TMCC1: variants seen among roughly 807,000 people sequenced by gnomAD.
The protein encoded by TMCC1 is transmembrane and coiled-coil domain family 1.
In TMCC1, 15 loss-of-function variants were observed where a neutral mutation model predicts 52.4. That is an observed-to-expected ratio of 0.29 (90% confidence interval 0.19 to 0.44). The LOEUF is 0.44. Among genes scored for constraint, TMCC1 ranks in the 20% least tolerant of loss-of-function variants. The pLI, the probability that TMCC1 is intolerant of heterozygous loss-of-function variation, is 1.00. For missense variants in TMCC1, 503 were observed against 806.0 expected (o/e 0.62, Z 4.55); for synonymous variants, 279 against 301.9 (o/e 0.92, Z 0.79).
chr3:129,817,717 T>A (rs1198637186), intron 4 of TMCC1, among the ~76,000 whole-genome samples: 2 of 152,022 alleles, frequency 1.3e-5, no homozygotes, highest in Non-Finnish European at 1.5e-5. Flanking sequence ...GTGAGATCTC[T>A]GCTCACTGCA....
At chr3:129,836,673 T>C (rs2059174256) in intron 2 of TMCC1, among the ~76,000 whole-genome samples, 2 of 152,138 alleles carry the variant, frequency 1.3e-5, no homozygotes, top group Admixed American at 1.3e-4. Context: ...AAGGAAACAG[T>C]CCCAAGAGCA....
At chr3:129,809,841 C>T (rs1483515120) in intron 4 of TMCC1, among the ~76,000 whole-genome samples, 1 of 152,156 alleles carries the variant, frequency 6.6e-6, no homozygotes, top group Non-Finnish European at 1.5e-5. Context: ...GTAAATCCCA[C>T]TAAAACAGTA....
At position 129,882,265 on chromosome 3, in the gene TMCC1, A is replaced by G. The variant is rs571107834; in HGVS notation, c.-434-1706T>C. Among the ~76,000 whole-genome samples, 5 of 152,282 alleles carry G rather than the reference A, an allele frequency of 3.3e-5. No individual in the cohort carries two copies. In the South Asian group the frequency reaches 6.2e-4, roughly 19 times the overall value. The stretch of plus-strand genomic sequence containing the variant: ...TGATAAACACATAAAAAGATGCTCA[A>G]TATCACAAATAATTAGGGAAATGCA... On this transcript the variant is annotated intron_variant, in intron 1 of 6. Transcript: ENST00000393238.
At chr3:129,656,379 C>G (rs2086670164) in intron 5 of TMCC1, among the ~76,000 whole-genome samples, 1 of 152,182 alleles carries the variant, frequency 6.6e-6, no homozygotes, top group Non-Finnish European at 1.5e-5. Flanking sequence ...ACATTAACAC[C>G]AGCATGTGAG....
At chr3:129,660,360 C>T (rs1168367584) in intron 5 of TMCC1, among the ~76,000 whole-genome samples, 2 of 152,090 alleles carry the variant, frequency 1.3e-5, no homozygotes, top group African/African-American at 4.8e-5. Flanking sequence ...GCCATGTTAC[C>T]CAGGCTGGTC....
At chr3:129,814,644 G>A (rs534917291) in intron 4 of TMCC1, among the ~76,000 whole-genome samples, 30 of 152,176 alleles carry the variant, frequency 2.0e-4, no homozygotes, top group Admixed American at 1.9e-3. Context: ...ACTATATGCT[G>A]CCTACAAGGA....
At chr3:129,879,261 C>A (rs1228497913) in intron 2 of TMCC1, among the ~76,000 whole-genome samples, 2 of 152,074 alleles carry the variant, frequency 1.3e-5, no homozygotes, top group African/African-American at 2.4e-5. Context: ...GGCAACATAG[C>A]GAGACCCTCA....
chr3:129,721,293 G>A (rs2049560906), intron 4 of TMCC1, among the ~76,000 whole-genome samples: 1 of 151,966 alleles, frequency 6.6e-6, no homozygotes, highest in African/African-American at 2.4e-5. Flanking sequence ...ATTAAAAATG[G>A]CAGTCTACCC....
At chr3:129,751,597 C>T (rs2052533176) in intron 4 of TMCC1, among the ~76,000 whole-genome samples, 1 of 150,902 alleles carries the variant, frequency 6.6e-6, no homozygotes, top group African/African-American at 2.4e-5. Context: ...GAGTCTTGCT[C>T]TGTCACCCAG....
intron 2 of TMCC1, among the ~76,000 whole-genome samples, chr3:129,836,477 T>A (rs926448954): frequency 6.6e-5 from 10 of 152,192 alleles, no homozygotes; most frequent in East Asian, 5.8e-4. Flanking sequence ...TCACAAATTT[T>A]AAAAAAACTG....
chr3:129,873,572 C>G (rs977304145), intron 2 of TMCC1, among the ~76,000 whole-genome samples: 1 of 151,978 alleles, frequency 6.6e-6, no homozygotes, highest in African/African-American at 2.4e-5. Context: ...CCCAGCTAGT[C>G]GGGAGGATAA....
intron 4 of TMCC1, among the ~76,000 whole-genome samples, chr3:129,726,835 C>T (rs540462286): frequency 9.6e-4 from 96 of 100,268 alleles, no homozygotes; most frequent in Non-Finnish European, 1.6e-3. Context: ...TGCCACTGCA[C>T]TTCAGCCTGG....
At chr3:129,880,801 TA>T (rs1223188308) in intron 1 of TMCC1, among the ~76,000 whole-genome samples, 2 of 150,616 alleles carry the variant, frequency 1.3e-5, no homozygotes, top group East Asian at 3.9e-4. Flanking sequence ...TTCCAAAATC[TA>T]AAAAAAATCT....
At chr3:129,735,022 C>G (rs1264658805) in intron 4 of TMCC1, among the ~76,000 whole-genome samples, 3 of 151,870 alleles carry the variant, frequency 2.0e-5, no homozygotes, top group African/African-American at 7.3e-5. Flanking sequence ...CTGCCTCAGC[C>G]TCCCAAGCAG....
At chr3:129,701,026 T>C (rs1244896559) in intron 4 of TMCC1, among the ~76,000 whole-genome samples, 1 of 152,200 alleles carries the variant, frequency 6.6e-6, no homozygotes, top group Non-Finnish European at 1.5e-5. Context: ...AATGCTCTCC[T>C]TACTTCTCTT....
intron 4 of TMCC1, among the ~76,000 whole-genome samples, chr3:129,815,927 A>G (rs2058073808): frequency 6.6e-6 from 1 of 152,206 alleles, no homozygotes; most frequent in Non-Finnish European, 1.5e-5. Flanking sequence ...AATGGGCAAA[A>G]GATCTGAATA....
At chr3:129,691,431 G>A (rs940365422) in intron 4 of TMCC1, among the ~76,000 whole-genome samples, 5 of 151,714 alleles carry the variant, frequency 3.3e-5, no homozygotes, top group African/African-American at 9.7e-5. Flanking sequence ...CTTTTGACCC[G>A]TGGCTAAAAA....
chr3:129,850,292 T>TC (rs1039382672), intron 2 of TMCC1, among the ~76,000 whole-genome samples: 26 of 152,236 alleles, frequency 1.7e-4, no homozygotes, highest in African/African-American at 6.3e-4. Context: ...TTAGTTTTTT[T>TC]CTCTATGCTT....
intron 2 of TMCC1, among the ~76,000 whole-genome samples, chr3:129,867,772 A>T (rs2060721952): frequency 6.6e-6 from 1 of 152,198 alleles, no homozygotes; most frequent in Admixed American, 6.5e-5. Flanking sequence ...AGTAGAAATA[A>T]GTTTTTAAAA....
Sources: gnomAD v4.1 joint callset for allele counts (sites outside exome capture counted in the v4.1 genomes callset) on GRCh38, gnomAD v4.1.1 for gene constraint, MANE v1.5 for transcripts, NCBI Gene and HGNC (gene_info 2026-07-23, HGNC 2026-07-21) for gene names.